The following NXPH1 variants were observed in gnomAD, a reference collection of about 807,000 sequenced individuals.
The protein encoded by NXPH1 is neurexophilin-1.
In NXPH1, 5 loss-of-function variants were observed where a neutral mutation model predicts 23.7. The ratio of observed to expected loss-of-function variants is 0.21; its 90% CI spans 0.11 to 0.44. NXPH1 has a LOEUF of 0.44. NXPH1 is among the 20% of genes least tolerant of loss of function. The pLI, the probability that NXPH1 is intolerant of heterozygous loss-of-function variation, is 0.99. For missense variants in NXPH1, 324 were observed against 321.6 expected (o/e 1.01, Z -0.06); for synonymous variants, 144 against 122.2 (o/e 1.18, Z -1.18).
intron 2 of NXPH1, among the ~76,000 whole-genome samples, chr7:8,664,791 C>G (rs113201207): frequency 3.3e-5 from 5 of 152,162 alleles, no homozygotes; most frequent in African/African-American, 1.2e-4. Context: ...TAATGTTCAG[C>G]ATTTTTTCAT....
At chr7:8,596,297 T>TC (rs1819222455) in intron 2 of NXPH1, among the ~76,000 whole-genome samples, 1 of 152,030 alleles carries the variant, frequency 6.6e-6, no homozygotes, top group South Asian at 2.1e-4. Flanking sequence ...GGTACAGAAA[T>TC]AAAACCTTAA....
chr7:8,530,202 G>A (rs1202584288), intron 2 of NXPH1, among the ~76,000 whole-genome samples: 2 of 152,084 alleles, frequency 1.3e-5, no homozygotes, highest in African/African-American at 4.8e-5. Context: ...TTGGCTAAGG[G>A]GTATGAGTTG....
intron 2 of NXPH1, among the ~76,000 whole-genome samples, chr7:8,684,634 G>A (rs1274139064): frequency 6.6e-6 from 1 of 152,060 alleles, no homozygotes; most frequent in Non-Finnish European, 1.5e-5. Context: ...GAGACTGTTT[G>A]GAGAGGTTTT....
intron 2 of NXPH1, among the ~76,000 whole-genome samples, chr7:8,623,671 A>T (rs200125193): frequency 2.3e-5 from 2 of 87,542 alleles, no homozygotes. Context: ...GTATAGTAAG[A>T]AAAAGTTCTT....
At chr7:8,703,350 C>T (rs1257471635) in intron 2 of NXPH1, among the ~76,000 whole-genome samples, 4 of 152,106 alleles carry the variant, frequency 2.6e-5, no homozygotes, top group African/African-American at 4.8e-5. Context: ...TCTCAGTCCC[C>T]TAATTTAATA....
rs115355577 is a variant in NXPH1 at position 8,614,792 on chromosome 7, C to T, written c.55-136216C>T. 4.0e-3 allele frequency among the ~76,000 whole-genome samples: 614 copies of T among 152,064 alleles called. 4 individuals carry two copies. The highest frequency in any genetic ancestry group is 0.014 in the African/African-American group (584 of 41,524). ...AATATAGGCTTAAATTGACTTTTCT[C>T]CTACTTCTCTGTAAAGATTTATCAA... On this transcript the variant is annotated intron_variant, in intron 2 of 2. Transcript: ENST00000405863.
At chr7:8,460,528 G>C (rs759740863) in intron 2 of NXPH1, among the ~76,000 whole-genome samples, 42 of 152,120 alleles carry the variant, frequency 2.8e-4, no homozygotes, top group Non-Finnish European at 3.8e-4. Flanking sequence ...GGTTTGTTTA[G>C]TTAGTAATAG....
rs17153127 is a variant in NXPH1, at chr7:8,639,290, T to C, written c.55-111718T>C. On this transcript the variant is annotated intron_variant, in intron 2 of 2. Coordinates refer to ENST00000405863, the MANE Select transcript of NXPH1 (RefSeq NM_152745.3). ...AAAAAAATAGTCTGATAGCTGCCTC[T>C]ATATGGGCAAATGGAGATACAAGGA... Among the ~76,000 whole-genome samples the C allele has an allele frequency of 6.5e-3, 996 of 152,314 alleles. 7 individuals carry two copies. Among genetic ancestry groups the C allele is most frequent in the African/African-American group, 0.022 (925 of 41,564 alleles).
At chr7:8,701,816 C>A (rs553491046) in intron 2 of NXPH1, among the ~76,000 whole-genome samples, 1 of 151,850 alleles carries the variant, frequency 6.6e-6, no homozygotes, top group Admixed American at 6.6e-5. Context: ...TCAGCAGAAC[C>A]AAAATTCTAA....
chr7:8,627,422 C>G (rs951616221), intron 2 of NXPH1, among the ~76,000 whole-genome samples: 2 of 152,072 alleles, frequency 1.3e-5, no homozygotes, highest in Admixed American at 6.6e-5. Flanking sequence ...CAGTTAATAT[C>G]TCATATAAAA....
intron 2 of NXPH1, among the ~76,000 whole-genome samples, chr7:8,702,600 C>T (rs1400512798): frequency 2.0e-5 from 3 of 152,038 alleles, no homozygotes; most frequent in Non-Finnish European, 4.4e-5. Flanking sequence ...CTATGAGTTT[C>T]ATTCTTCTAT....
At chr7:8,555,918 T>C (rs73050674) in intron 2 of NXPH1, among the ~76,000 whole-genome samples, 8,570 of 151,840 alleles carry the variant, frequency 0.056, 301 homozygotes, top group Middle Eastern at 0.1. Context: ...CTGGGCTTTC[T>C]ATCTGTACTT....
intron 2 of NXPH1, among the ~76,000 whole-genome samples, chr7:8,673,633 T>A (rs1162766652): frequency 6.6e-6 from 1 of 152,162 alleles, no homozygotes; most frequent in African/African-American, 2.4e-5. Flanking sequence ...ACATTTGGAA[T>A]AATAATAGTT....
At chr7:8,682,825 T>C (rs926625588) in intron 2 of NXPH1, among the ~76,000 whole-genome samples, 3 of 152,226 alleles carry the variant, frequency 2.0e-5, no homozygotes, top group Non-Finnish European at 4.4e-5. Context: ...ATTATTAACC[T>C]TTTAATAGTT....
chr7:8,452,962 T>A (rs1437557535), intron 2 of NXPH1, among the ~76,000 whole-genome samples: 4 of 152,118 alleles, frequency 2.6e-5, no homozygotes, highest in Non-Finnish European at 5.9e-5. Flanking sequence ...AGTTTGCTTT[T>A]CTGGGGAAAG....
At chr7:8,745,719 A>ATTTTTTTTTTTTTTTT (rs56019801) in intron 2 of NXPH1, among the ~76,000 whole-genome samples, 14 of 111,824 alleles carry the variant, frequency 1.3e-4, no homozygotes, top group East Asian at 5.4e-4. Flanking sequence ...CGCCCAGCTA[A>ATTTTTTTTTTTTTTTT]TTTTTTTTTT....
At chr7:8,519,035 G>A (rs1217238464) in intron 2 of NXPH1, among the ~76,000 whole-genome samples, 1 of 152,052 alleles carries the variant, frequency 6.6e-6, no homozygotes, top group African/African-American at 2.4e-5. Flanking sequence ...CTTGGCATGG[G>A]TAGGCTATTG....
At chr7:8,627,668 A>C (rs1431816794) in intron 2 of NXPH1, among the ~76,000 whole-genome samples, 1 of 152,176 alleles carries the variant, frequency 6.6e-6, no homozygotes, top group Admixed American at 6.5e-5. Flanking sequence ...ATTGGTTTCC[A>C]GAGAGTTGCA....
intron 2 of NXPH1, among the ~76,000 whole-genome samples, chr7:8,644,158 C>G (rs934965966): frequency 1.3e-5 from 2 of 152,186 alleles, no homozygotes; most frequent in Admixed American, 6.5e-5. Context: ...TAAAAGCCCT[C>G]TCATGGAAGA....
Sources: allele counts gnomAD v4.1 joint callset (sites outside exome capture counted in the v4.1 genomes callset), GRCh38; gene constraint gnomAD v4.1.1; transcripts MANE v1.5; gene names NCBI Gene and HGNC (gene_info 2026-07-23, HGNC 2026-07-21).